The following IL12RB2 variants were observed in gnomAD, a reference collection of about 807,000 sequenced individuals.
IL12RB2 encodes the protein interleukin 12 receptor subunit beta 2.
IL12RB2 carries 82 observed loss-of-function variants against 89.4 expected under a neutral mutation model. The observed-to-expected ratio is 0.92, with a 90% CI of 0.77 to 1.10. The LOEUF (loss-of-function observed/expected upper bound fraction) is 1.10, where lower values mean the gene tolerates loss of function less well. Among genes scored for constraint, IL12RB2 ranks in the 50% least tolerant of loss-of-function variants. The pLI is 0.00. For synonymous variants in IL12RB2, 368 were observed against 370.1 expected, an observed-to-expected ratio of 0.99 and a Z score of 0.07; for missense variants, 963 against 1,031.9, an observed-to-expected ratio of 0.93 and a Z score of 0.92.
Position 67,367,620 on chromosome 1 carries a change from G to A in IL12RB2, c.1259-205G>A, listed in dbSNP as rs148322650. Among the ~76,000 whole-genome samples the A allele has an allele frequency of 2.2e-3, 335 of 152,258 alleles. 1 individual carries two copies. Among genetic ancestry groups the A allele is most frequent in the African/African-American group, 7.7e-3 (322 of 41,556 alleles). ...AATAATTGTACACATGACATTTTACGTAATGTTTGAACAAGCTGATGTTGT... is the reference window on the plus strand; with the variant it reads ...AATAATTGTACACATGACATTTTACATAATGTTTGAACAAGCTGATGTTGT... On this transcript the variant is annotated intron_variant, in intron 10 of 16. Transcript: ENST00000674203.
chr1:67,394,666 C>G (rs1261212062), intron 16 of IL12RB2, among the ~76,000 whole-genome samples: 1 of 152,132 alleles, frequency 6.6e-6, no homozygotes, highest in African/African-American at 2.4e-5. Context: ...GCACAAACAC[C>G]CTTGCATCAC....
At chr1:67,395,212 G>A (rs1666236123) in intron 16 of IL12RB2, among the ~76,000 whole-genome samples, 2 of 151,898 alleles carry the variant, frequency 1.3e-5, no homozygotes, top group African/African-American at 2.4e-5. Context: ...AGGTTACAGG[G>A]AGCCAAGATC....
intron 9 of IL12RB2, among the ~76,000 whole-genome samples, chr1:67,349,042 C>A (rs1557432833): frequency 6.6e-6 from 1 of 152,168 alleles, no homozygotes; most frequent in Non-Finnish European, 1.5e-5. Context: ...CAGAGCCACA[C>A]CCCTATTTAC....
chr1:67,386,505 G>A (rs906453112), intron 14 of IL12RB2, 74 bp from the exon 15 acceptor site: 28 of 980,472 alleles, frequency 2.9e-5, no homozygotes, highest in African/African-American at 9.6e-5. Context: ...CCCAGAGGGC[G>A]CATACACCAA....
At chr1:67,343,921 T>TTTAGTA (rs1444313918) in intron 9 of IL12RB2, among the ~76,000 whole-genome samples, 1 of 152,218 alleles carries the variant, frequency 6.6e-6, no homozygotes, top group Non-Finnish European at 1.5e-5. Context: ...AAAGCTCCTC[T>TTTAGTA]TTAGTATTAG....
Position 67,321,604 on chromosome 1 carries a change from G to C in IL12RB2, c.79G>C (p.Ala27Pro). Residue 27 changes from alanine to proline, a missense_variant and splice_region_variant, in exon 4 of 17, where the codon GCG (alanine) becomes CCG (proline). Coordinates refer to ENST00000674203, the MANE Select transcript of IL12RB2 (RefSeq NM_001374259.2). ...TWLLIKAKID[A>P]CKRGDVTVKP... ...ATTGCATCTGTATCTTATTGCAGAT[G>C]CGTGCAAGAGAGGCGATGTGACTGT... 1 of 1,590,056 alleles carries C rather than the reference G, an allele frequency of 6.3e-7. No homozygotes were observed. The highest frequency in any genetic ancestry group is 8.6e-7 in the Non-Finnish European group (1 of 1,158,478).
chr1:67,389,478 G>A (rs1312126601), intron 15 of IL12RB2, among the ~76,000 whole-genome samples: 1 of 152,122 alleles, frequency 6.6e-6, no homozygotes, highest in Non-Finnish European at 1.5e-5. Flanking sequence ...TAAAAGACCT[G>A]TATTTCCTCT....
At position 67,331,742 on chromosome 1, in the gene IL12RB2, G is replaced by C. The variant is rs113875989; in HGVS notation, c.958+932G>C. 6.1e-3 allele frequency among the ~76,000 whole-genome samples: 935 copies of C among 152,222 alleles called. 10 individuals carry two copies. Among genetic ancestry groups the C allele is most frequent in the African/African-American group, 0.021 (878 of 41,536 alleles). ...TAATCCCAGCCATTCGGGAGGCTAA[G>C]GCAGGAGAATCACTTGAACCCAGGA... On this transcript the variant is annotated intron_variant, in intron 8 of 16. Coordinates refer to ENST00000674203, the MANE Select transcript of IL12RB2 (RefSeq NM_001374259.2).
chr1:67,366,459 A>C (rs1368010191), intron 10 of IL12RB2, among the ~76,000 whole-genome samples: 3 of 151,092 alleles, frequency 2.0e-5, no homozygotes, highest in Admixed American at 6.6e-5. Flanking sequence ...TCTCAAAAAA[A>C]AAAAAAAAAA....
At chr1:67,358,586 T>A (rs975662841) in intron 10 of IL12RB2, among the ~76,000 whole-genome samples, 2 of 148,982 alleles carry the variant, frequency 1.3e-5, no homozygotes, top group African/African-American at 2.5e-5. Context: ...CAAAAAAAAA[T>A]TAATTAAAAT....
intron 9 of IL12RB2, among the ~76,000 whole-genome samples, chr1:67,342,396 G>A (rs1659734678): frequency 6.6e-6 from 1 of 152,160 alleles, no homozygotes; most frequent in Non-Finnish European, 1.5e-5. Flanking sequence ...GGAAATGTGA[G>A]ATGACCTTTC....
intron 1 of IL12RB2, among the ~76,000 whole-genome samples, chr1:67,313,590 C>T (rs17838038): frequency 0.014 from 2,197 of 152,126 alleles, 58 homozygotes; most frequent in African/African-American, 0.05. Flanking sequence ...TGTGGGAGGC[C>T]GAGGCAGGCA....
At chr1:67,369,488 G>A (rs1329700772) in intron 11 of IL12RB2, among the ~76,000 whole-genome samples, 1 of 152,240 alleles carries the variant, frequency 6.6e-6, no homozygotes, top group Non-Finnish European at 1.5e-5. Context: ...TCTCAAGGCA[G>A]TGTGTTCCCT....
chr1:67,321,182 A>G (rs1472754095), intron 3 of IL12RB2, among the ~76,000 whole-genome samples: 1 of 151,922 alleles, frequency 6.6e-6, no homozygotes, highest in African/African-American at 2.4e-5. Flanking sequence ...TTCTTGGTAC[A>G]AGTATTTAAG....
Position 67,380,016 on chromosome 1 carries a change from A to G in IL12RB2, c.1748A>G (p.His583Arg). The G allele has an allele frequency of 1.2e-6, 2 of 1,612,488 alleles. No homozygotes were observed. The highest frequency in any genetic ancestry group is 1.7e-6 in the Non-Finnish European group (2 of 1,178,466). Residue 583 changes from histidine (H) to arginine (R), a missense_variant, in exon 14 of 17, where the codon CAT becomes CGT. By Grantham distance (29) the His-to-Arg change is conservative. Coordinates refer to ENST00000674203, the MANE Select transcript of IL12RB2 (RefSeq NM_001374259.2). ...EIPYRVSQNSHPINSLQPRVT... is the reference protein window; with the variant it reads ...EIPYRVSQNSRPINSLQPRVT... ...CCCTACAGAGTCTCCCAAAATTCAC[A>G]TCCAATAAACAGCCTGCAGCCCCGA...
intron 16 of IL12RB2, among the ~76,000 whole-genome samples, chr1:67,390,455 CTTTTTTT>C (rs67532605): frequency 7.4e-5 from 8 of 107,540 alleles, no homozygotes; most frequent in East Asian, 5.7e-4. Context: ...GCAAACTTTC[CTTTTTTT>C]TTTTTTTTTT....
At position 67,395,407 on chromosome 1, in the gene IL12RB2, C is replaced by G. The variant is rs752228526; in HGVS notation, c.2047-140C>G. 5.3e-6 allele frequency: 8 copies of G among 1,519,946 alleles called. No homozygotes were observed. In the East Asian group the frequency reaches 1.8e-4, roughly 35 times the overall value. 94.2% of individuals were successfully genotyped at this position (1,519,946 alleles called of 1,614,324 possible). On this transcript the variant is annotated intron_variant, in intron 16 of 16. Coordinates refer to ENST00000674203, the MANE Select transcript of IL12RB2 (RefSeq NM_001374259.2). ...ACAATGTTAACTGTTTCTCTTACCT[C>G]GCAAACTCCAGTGCCCAACATGTTC... is the stretch of plus-strand genomic sequence containing the variant.
intron 13 of IL12RB2, among the ~76,000 whole-genome samples, chr1:67,376,703 CGTGT>C (rs59880609): frequency 1.3e-5 from 2 of 150,790 alleles, no homozygotes; most frequent in East Asian, 2.0e-4. Context: ...AATATGTGTG[CGTGT>C]GTGTGTGTGT....
intron 4 of IL12RB2, among the ~76,000 whole-genome samples, chr1:67,322,717 C>T (rs1037705196): frequency 1.2e-4 from 19 of 152,182 alleles, no homozygotes; most frequent in African/African-American, 2.7e-4. Flanking sequence ...GTCCACCTGA[C>T]GGGGGCTCAG....
Sources: allele counts gnomAD v4.1 joint callset (sites outside exome capture counted in the v4.1 genomes callset), GRCh38; gene constraint gnomAD v4.1.1; transcripts MANE v1.5; gene names NCBI Gene and HGNC (gene_info 2026-07-23, HGNC 2026-07-21).